ANKS3: variants seen among roughly 807,000 people sequenced by gnomAD.
ANKS3 encodes ankyrin repeat and sterile alpha motif domain containing 3.
A neutral mutation model predicts 80.7 loss-of-function variants in ANKS3; 62 were observed. The observed-to-expected ratio is 0.77, with a 90% CI of 0.63 to 0.95. ANKS3 has a LOEUF of 0.95. Among genes scored for constraint, ANKS3 ranks in the 40% least tolerant of loss-of-function variants. The pLI, the probability that ANKS3 is intolerant of heterozygous loss-of-function variation, is 0.00. For synonymous variants in ANKS3, 489 were observed against 355.3 expected, an observed-to-expected ratio of 1.38 and a Z score of -4.23; for missense variants, 1,150 against 883.6, an observed-to-expected ratio of 1.30 and a Z score of -3.82.
At position 4,715,395 on chromosome 16, in the gene ANKS3, G is replaced by A. The variant is rs112382460; in HGVS notation, c.574-1209C>T. Among the ~76,000 whole-genome samples the A allele has an allele frequency of 2.7e-3, 416 of 152,330 alleles. 1 individual carries two copies. Among genetic ancestry groups the A allele is most frequent in the African/African-American group, 9.1e-3 (380 of 41,590 alleles). On this transcript the variant is annotated intron_variant, in intron 6 of 17. Transcript: ENST00000304283. ...GGGAGGCAGGGAAGCCAGAGCCAAA[G>A]CTCAGAGGAGGAGGCGGGACCCCGG... is the stretch of plus-strand genomic sequence containing the variant.
intron 6 of ANKS3, among the ~76,000 whole-genome samples, chr16:4,723,839 C>G (rs1441082591): frequency 6.6e-6 from 1 of 151,956 alleles, no homozygotes; most frequent in Non-Finnish European, 1.5e-5. Context: ...ATCGCTTGAG[C>G]TCAGGAATTC....
chr16:4,731,401 A>T (rs746583215), intron 2 of ANKS3, 111 bp downstream of exon 2: 1 of 153,182 alleles, frequency 6.5e-6, no homozygotes, highest in Non-Finnish European at 1.4e-5. Flanking sequence ...AGCCTCAGCC[A>T]CCTGAATAGC....
chr16:4,707,686 C>T (rs969012930), intron 7 of ANKS3, among the ~76,000 whole-genome samples: 19 of 152,062 alleles, frequency 1.2e-4, no homozygotes, highest in African/African-American at 4.1e-4. Flanking sequence ...ATCAGAAACA[C>T]GCTAATAGGT....
intron 7 of ANKS3, among the ~76,000 whole-genome samples, chr16:4,707,877 G>A (rs1431580446): frequency 6.6e-6 from 1 of 152,080 alleles, no homozygotes; most frequent in Non-Finnish European, 1.5e-5. Flanking sequence ...TTGGGAGGCC[G>A]AGGTGGGCGG....
intron 16 of ANKS3, 97 bp downstream of exon 16, chr16:4,697,236 G>T: frequency 6.5e-7 from 1 of 1,543,566 alleles, no homozygotes; most frequent in Non-Finnish European, 8.9e-7. Flanking sequence ...TCAGCCTTGG[G>T]GTAGAGAGAC....
At chr16:4,725,357 G>C (rs2081298074) in intron 5 of ANKS3, among the ~76,000 whole-genome samples, 2 of 152,164 alleles carry the variant, frequency 1.3e-5, no homozygotes. Flanking sequence ...GTCTCATGCT[G>C]GTTTGGAAGT....
Position 4,724,797 on chromosome 16 carries a change from C to T in ANKS3, c.526G>A (p.Ala176Thr). 2 of 1,614,146 alleles carry T rather than the reference C, an allele frequency of 1.2e-6. No individual in the cohort carries two copies. The highest frequency in any genetic ancestry group is 1.7e-6 in the Non-Finnish European group (2 of 1,180,020). The change falls in exon 6 of 18, where the codon GCA (alanine) becomes ACA (threonine). Residue 176 changes from alanine to threonine, a missense_variant. Transcript: ENST00000304283. ...ATTATCTCATGGCCAGCAGCAGCTG[C>T]TTCCATCAAGGGAGTAAATCCACAT... is the stretch of plus-strand genomic sequence containing the variant. ...PICGFTPLME[A>T]AAAGHEIIVQ...
In ANKS3 at chr16:4,714,199, G is replaced by A. The variant is rs558453548; in HGVS notation, c.574-13C>T. 178 of 1,613,530 alleles carry A rather than the reference G, an allele frequency of 1.1e-4. 1 individual carries two copies. The South Asian group carries it at 1.6e-3, about 15-fold the overall frequency. ...CCACCTTGACTCCCTGTGAATGTCC[G>A]TGAAAGGGGGTTAGGGGCCTCTCCT... On this transcript the variant is annotated splice_polypyrimidine_tract_variant and intron_variant, in intron 6 of 17. Transcript: ENST00000304283.
chr16:4,697,807 GGGTCCC>G (rs1464685227), intron 15 of ANKS3, among the ~76,000 whole-genome samples, 164 bp downstream of exon 15: 1 of 152,214 alleles, frequency 6.6e-6, no homozygotes, highest in Admixed American at 6.5e-5. Context: ...AAGTGGGCTT[GGGTCCC>G]CAGGGCCCCC....
intron 5 of ANKS3, among the ~76,000 whole-genome samples, chr16:4,726,267 C>T (rs1278240234): frequency 6.6e-6 from 1 of 152,080 alleles, no homozygotes; most frequent in Non-Finnish European, 1.5e-5. Context: ...TGAGCCACCA[C>T]GCCCGGCCTC....
At chr16:4,706,898 C>T (rs891422710) in intron 7 of ANKS3, among the ~76,000 whole-genome samples, 1 of 152,214 alleles carries the variant, frequency 6.6e-6, no homozygotes, top group African/African-American at 2.4e-5. Context: ...CAGGTGCAAA[C>T]TGACAGGACA....
intron 1 of ANKS3, among the ~76,000 whole-genome samples, chr16:4,732,583 G>A (rs2081683359): frequency 6.6e-6 from 1 of 151,068 alleles, no homozygotes; most frequent in African/African-American, 2.4e-5. Flanking sequence ...TCAGGAGGCT[G>A]AGGCAAGAGA....
In ANKS3 at chr16:4,734,210, C is replaced by A. The variant is rs555025504; in HGVS notation, c.-343G>T. 1.6e-4 allele frequency: 29 copies of A among 179,198 alleles called. No individual in the cohort carries two copies. The highest frequency in any genetic ancestry group is 5.6e-4 in the South Asian group (3 of 5,358). The allele number at this position is 179,198 out of a possible 1,614,324, so 11.1% of individuals were successfully genotyped here. ...CTCGGGCTGCCGTCGCCAACCCCCC[C>A]CAAACAGCTCGCCGCCACGCTCCCT... is the stretch of plus-strand genomic sequence containing the variant. On this transcript the variant is annotated 5_prime_UTR_variant, in exon 1 of 18. Transcript: ENST00000304283.
chr16:4,699,377 C>T (rs974706290), intron 11 of ANKS3: 14 of 657,014 alleles, frequency 2.1e-5, no homozygotes, highest in South Asian at 1.9e-4. Context: ...ACACTATGGT[C>T]GGCCACGTGG....
intron 6 of ANKS3, among the ~76,000 whole-genome samples, chr16:4,716,360 CAAA>C (rs1162795772): frequency 4.1e-5 from 2 of 48,810 alleles, no homozygotes; most frequent in Non-Finnish European, 4.1e-5. Flanking sequence ...GACTCCAACT[CAAA>C]AAAAAAAAAA....
At chr16:4,703,134 A>G (rs1343965411) in intron 8 of ANKS3, among the ~76,000 whole-genome samples, 1 of 152,188 alleles carries the variant, frequency 6.6e-6, no homozygotes, top group East Asian at 1.9e-4. Flanking sequence ...TGTTTTTGAG[A>G]CAGGGTCTTG....
chr16:4,701,856 T>C lies in ANKS3; in HGVS notation c.1009+246A>G, dbSNP rs146790687. The C allele has an allele frequency of 9.8e-6, 5 of 508,416 alleles. No homozygotes were observed. The East Asian group carries it at 1.7e-4, about 17-fold the overall frequency. 31.5% of individuals were successfully genotyped at this position (508,416 alleles called of 1,614,324 possible). A position where few individuals can be genotyped will look rare whatever the true frequency, so the allele number is the denominator to read the frequency against. ...CCTACTGGGGCCTGCCCTGAAAGCCTCAGGGGCTCCCAAGCAAGGAGCTAA... is the reference window on the plus strand; with the variant it reads ...CCTACTGGGGCCTGCCCTGAAAGCCCCAGGGGCTCCCAAGCAAGGAGCTAA... On this transcript the variant is annotated intron_variant, in intron 9 of 17. Transcript: ENST00000304283.
intron 6 of ANKS3, among the ~76,000 whole-genome samples, chr16:4,721,895 C>A (rs1358639538): frequency 1.3e-5 from 2 of 151,266 alleles, no homozygotes; most frequent in Non-Finnish European, 3.0e-5. Flanking sequence ...CTTGGCCTCT[C>A]AAAGTGCTGG....
At chr16:4,698,095 C>T in intron 14 of ANKS3, 33 bp from the exon 15 acceptor site, 1 of 1,569,798 alleles carries the variant, frequency 6.4e-7, no homozygotes, top group Non-Finnish European at 8.6e-7. Flanking sequence ...TTGGTGAGAG[C>T]AGAGGCCTGG....
Sources: gnomAD v4.1 joint callset for allele counts (sites outside exome capture counted in the v4.1 genomes callset) on GRCh38, gnomAD v4.1.1 for gene constraint, MANE v1.5 for transcripts, NCBI Gene and HGNC (gene_info 2026-07-23, HGNC 2026-07-21) for gene names.